Variants in BCOR observed in about 807,000 individuals in gnomAD.
BCOR encodes the protein BCL-6 corepressor.
Under a neutral mutation model 86.7 loss-of-function variants are expected in BCOR, and 10 were observed. The ratio of observed to expected loss-of-function variants is 0.12; its 90% CI spans 0.07 to 0.20. The LOEUF is 0.20. Ranked by LOEUF, BCOR falls within the 10% of genes least tolerant of loss-of-function variation. The pLI is 1.00. For synonymous variants in BCOR, 611 were observed against 609.0 expected (o/e 1.00, Z -0.05); for missense variants, 1,259 against 1,452.1 (o/e 0.87, Z 2.16).
intron 1 of BCOR, among the ~76,000 whole-genome samples, chrX:40,131,451 G>A (rs1296577087): frequency 8.9e-6 from 1 of 112,163 alleles, no homozygotes; most frequent in Non-Finnish European, 1.9e-5. Context: ...GAGGTCGGGG[G>A]TTCGAGACCA....
chrX:40,120,390 C>T (rs903972493), intron 1 of BCOR, among the ~76,000 whole-genome samples: 2 of 112,071 alleles, frequency 1.8e-5, no homozygotes, highest in Non-Finnish European at 3.8e-5. Flanking sequence ...GTTATACATT[C>T]CAGAAACCTG....
At chrX:40,173,532 TG>T (rs1208103375) in intron 1 of BCOR, among the ~76,000 whole-genome samples, 2 of 112,363 alleles carry the variant, frequency 1.8e-5, no homozygotes, top group African/African-American at 3.2e-5. Flanking sequence ...CACTATTGTA[TG>T]GCCACTGAAA....
chrX:40,143,692 C>A (rs1937974921), intron 1 of BCOR, among the ~76,000 whole-genome samples: 1 of 113,095 alleles, frequency 8.8e-6, no homozygotes, highest in African/African-American at 3.2e-5. Context: ...CGTGGTGGCT[C>A]ACGCCGGTAA....
At chrX:40,135,399 T>C (rs1937658479) in intron 1 of BCOR, among the ~76,000 whole-genome samples, 2 of 110,110 alleles carry the variant, frequency 1.8e-5, no homozygotes, top group Admixed American at 9.7e-5. Flanking sequence ...TTTTCTTTTT[T>C]TTTTTTTGAG....
chrX:40,143,144 A>C (rs904636921), intron 1 of BCOR, among the ~76,000 whole-genome samples: 4 of 112,021 alleles, frequency 3.6e-5, no homozygotes, highest in African/African-American at 1.3e-4. Context: ...GGCGAGCTGC[A>C]GGGGGCAGCC....
chrX:40,072,191 C>T (rs1263484180), intron 4 of BCOR, 158 bp downstream of exon 4: 3 of 540,650 alleles, frequency 5.5e-6, no homozygotes, highest in Admixed American at 2.9e-5. Context: ...CTACCACTCA[C>T]GTTCTCTTAC....
intron 6 of BCOR, among the ~76,000 whole-genome samples, chrX:40,070,390 A>C (rs1169728067): frequency 9.0e-6 from 1 of 111,628 alleles, no homozygotes; most frequent in Non-Finnish European, 1.9e-5. Context: ...GTAAGGACCA[A>C]AGGGAGTGTA....
At chrX:40,061,056 G>A (rs907375075) in intron 10 of BCOR, among the ~76,000 whole-genome samples, 3 of 112,422 alleles carry the variant, frequency 2.7e-5, no homozygotes, top group Non-Finnish European at 5.6e-5. Flanking sequence ...GCTGAATTCC[G>A]GGAGCCCACA....
intron 1 of BCOR, among the ~76,000 whole-genome samples, chrX:40,125,915 A>G (rs1331764494): frequency 9.0e-6 from 1 of 111,424 alleles, no homozygotes; most frequent in Non-Finnish European, 1.9e-5. Flanking sequence ...GTCACTAAAG[A>G]ATCATCTGGG....
At chrX:40,176,485 G>A (rs1239144553) in intron 1 of BCOR, among the ~76,000 whole-genome samples, 1 of 112,480 alleles carries the variant, frequency 8.9e-6, no homozygotes, top group Non-Finnish European at 1.9e-5. Flanking sequence ...AAACAAGGCC[G>A]GCGACTACAA....
intron 1 of BCOR, among the ~76,000 whole-genome samples, chrX:40,172,973 T>C (rs1166206131): frequency 8.9e-6 from 1 of 112,814 alleles, no homozygotes; most frequent in African/African-American, 3.2e-5. Flanking sequence ...TGCATTGCCT[T>C]CCCTGACCCC....
At chrX:40,061,977 G>A (rs1934895754) in intron 10 of BCOR, among the ~76,000 whole-genome samples, 162 bp downstream of exon 10, 1 of 110,715 alleles carries the variant, frequency 9.0e-6, no homozygotes, top group South Asian at 3.9e-4. Context: ...CAAAGAGACA[G>A]CAGTGAGAGT....
chrX:40,064,134 C>T (rs934937187), intron 7 of BCOR, among the ~76,000 whole-genome samples, 182 bp from the exon 8 acceptor site: 10 of 109,153 alleles, frequency 9.2e-5, no homozygotes, highest in Non-Finnish European at 1.3e-4. Flanking sequence ...GTGGGCGGCT[C>T]CCCCCGGGGG....
At chrX:40,159,803 T>C (rs1199110733) in intron 1 of BCOR, among the ~76,000 whole-genome samples, 1 of 111,890 alleles carries the variant, frequency 8.9e-6, no homozygotes, top group Non-Finnish European at 1.9e-5. Flanking sequence ...TGCAGAAAAT[T>C]GTCCTCAGAT....
At chrX:40,169,617 C>A (rs967637251) in intron 1 of BCOR, among the ~76,000 whole-genome samples, 5 of 110,491 alleles carry the variant, frequency 4.5e-5, no homozygotes, top group African/African-American at 1.7e-4. Flanking sequence ...TAAAAAAAAA[C>A]AAAAACAAAA....
At chrX:40,124,281 T>C (rs765292803) in intron 1 of BCOR, among the ~76,000 whole-genome samples, 73 of 110,334 alleles carry the variant, frequency 6.6e-4, no homozygotes, top group Non-Finnish European at 1.3e-3. Context: ...ATACATTTTT[T>C]TTTTTCTTTG....
At chrX:40,113,911 C>T (rs766364239) in intron 1 of BCOR, among the ~76,000 whole-genome samples, 3 of 110,323 alleles carry the variant, frequency 2.7e-5, no homozygotes, top group Non-Finnish European at 5.7e-5. Flanking sequence ...CTCTGCCACC[C>T]GGGTTCAAGT....
chrX:40,142,423 C>T (rs7050078), intron 1 of BCOR, among the ~76,000 whole-genome samples: 1 of 112,141 alleles, frequency 8.9e-6, no homozygotes, highest in Non-Finnish European at 1.9e-5. Flanking sequence ...TGGGTCACTT[C>T]GATCCTGCCT....
At chrX:40,089,716 G>A (rs1013634333) in intron 1 of BCOR, among the ~76,000 whole-genome samples, 1 of 111,670 alleles carries the variant, frequency 9.0e-6, no homozygotes, top group Non-Finnish European at 1.9e-5. Flanking sequence ...GAAAAGTGCT[G>A]ACTACTGGTA....
Sources: gnomAD v4.1 joint callset for allele counts (sites outside exome capture counted in the v4.1 genomes callset) on GRCh38, gnomAD v4.1.1 for gene constraint, MANE v1.5 for transcripts, NCBI Gene and HGNC (gene_info 2026-07-23, HGNC 2026-07-21) for gene names.